PLCXD3: variants seen among roughly 807,000 people sequenced by gnomAD.
PLCXD3 encodes PI-PLC X domain-containing protein 3.
A neutral mutation model predicts 25.5 loss-of-function variants in PLCXD3; 19 were observed. The ratio of observed to expected loss-of-function variants is 0.75; its 90% CI spans 0.52 to 1.09. The LOEUF (loss-of-function observed/expected upper bound fraction) is 1.09, where lower values mean the gene tolerates loss of function less well. PLCXD3 is among the 50% of genes least tolerant of loss of function. The pLI is 0.00. For synonymous variants in PLCXD3, 174 were observed against 137.6 expected (o/e 1.26, Z -1.85); for missense variants, 411 against 388.1 (o/e 1.06, Z -0.50).
At chr5:41,358,088 G>A (rs1003242887) in intron 2 of PLCXD3, among the ~76,000 whole-genome samples, 9 of 152,106 alleles carry the variant, frequency 5.9e-5, no homozygotes, top group African/African-American at 1.7e-4. Flanking sequence ...TTGATCACTC[G>A]CTATGTACCA....
At chr5:41,330,634 CA>C (rs1022080857) in intron 2 of PLCXD3, among the ~76,000 whole-genome samples, 1 of 152,112 alleles carries the variant, frequency 6.6e-6, no homozygotes, top group African/African-American at 2.4e-5. Context: ...TGGGCCGAAA[CA>C]CAACCAAAAA....
intron 1 of PLCXD3, among the ~76,000 whole-genome samples, chr5:41,491,042 G>T (rs1211178329): frequency 6.6e-6 from 1 of 152,040 alleles, no homozygotes; most frequent in Non-Finnish European, 1.5e-5. Flanking sequence ...GTCAATTTTG[G>T]ATCTTTCCTG....
intron 1 of PLCXD3, among the ~76,000 whole-genome samples, chr5:41,490,164 A>G (rs1748625131): frequency 6.6e-6 from 1 of 152,188 alleles, no homozygotes; most frequent in South Asian, 2.1e-4. Context: ...AATTTTGTCA[A>G]AGGCCTTTTC....
At chr5:41,480,083 A>G (rs184055193) in intron 1 of PLCXD3, among the ~76,000 whole-genome samples, 1 of 152,340 alleles carries the variant, frequency 6.6e-6, no homozygotes, top group Admixed American at 6.5e-5. Flanking sequence ...ACTGTTTTAG[A>G]GGGATACGAG....
chr5:41,449,431 G>A (rs767843760), intron 1 of PLCXD3, among the ~76,000 whole-genome samples: 3 of 151,970 alleles, frequency 2.0e-5, no homozygotes, highest in East Asian at 1.9e-4. Flanking sequence ...TACCATTTTC[G>A]GTGACACCAT....
In PLCXD3 at chr5:41,310,235, T is replaced by C. The variant is rs1027377549; in HGVS notation, c.*3382A>G. The C allele has an allele frequency of 6.6e-6, 1 of 152,098 alleles. No homozygotes were observed. Among genetic ancestry groups the C allele is most frequent in the African/African-American group, 2.4e-5 (1 of 41,428 alleles). 9.4% of individuals were successfully genotyped at this position (152,098 alleles called of 1,614,324 possible). On this transcript the variant is annotated 3_prime_UTR_variant, in exon 3 of 3. Coordinates refer to ENST00000377801, the MANE Select transcript of PLCXD3 (RefSeq NM_001005473.3). Reference sequence around the variant, plus strand: ...GTGGTAAATAGGGAGACATAAATGATAATGGCAGAAGAAAAATTTGCTATA... The same window carrying C: ...GTGGTAAATAGGGAGACATAAATGACAATGGCAGAAGAAAAATTTGCTATA...
chr5:41,466,252 G>T (rs1748015451), intron 1 of PLCXD3, among the ~76,000 whole-genome samples: 2 of 151,914 alleles, frequency 1.3e-5, no homozygotes, highest in Admixed American at 1.3e-4. Context: ...TAAGAAAATT[G>T]AGCCCTGAAC....
chr5:41,319,340 A>T (rs1274723516), intron 2 of PLCXD3, among the ~76,000 whole-genome samples: 1 of 152,156 alleles, frequency 6.6e-6, no homozygotes, highest in South Asian at 2.1e-4. Flanking sequence ...GATCATTCTC[A>T]AGGATAGACC....
chr5:41,429,489 G>A (rs972376097), intron 1 of PLCXD3, among the ~76,000 whole-genome samples: 4 of 152,108 alleles, frequency 2.6e-5, no homozygotes, highest in Non-Finnish European at 1.5e-5. Flanking sequence ...TGCAAAGATT[G>A]ATTAAACAGG....
At chr5:41,491,588 T>C (rs1204908962) in intron 1 of PLCXD3, among the ~76,000 whole-genome samples, 1 of 152,176 alleles carries the variant, frequency 6.6e-6, no homozygotes, top group Non-Finnish European at 1.5e-5. Flanking sequence ...TGTAGGTCTG[T>C]AAGGACTTAC....
intron 1 of PLCXD3, among the ~76,000 whole-genome samples, chr5:41,428,914 T>A (rs1008003941): frequency 6.6e-6 from 1 of 152,128 alleles, no homozygotes; most frequent in Non-Finnish European, 1.5e-5. Context: ...GTTTTAACCA[T>A]AGACTATTTC....
At chr5:41,499,986 C>T (rs1748919367) in intron 1 of PLCXD3, among the ~76,000 whole-genome samples, 1 of 151,776 alleles carries the variant, frequency 6.6e-6, no homozygotes, top group African/African-American at 2.4e-5. Flanking sequence ...TAAATTAGTA[C>T]AGCCTCTATG....
chr5:41,388,142 A>G (rs376150082), intron 1 of PLCXD3, among the ~76,000 whole-genome samples: 41 of 152,084 alleles, frequency 2.7e-4, no homozygotes, highest in African/African-American at 8.4e-4. Flanking sequence ...AAAAATACAT[A>G]CAATCCTTGC....
At chr5:41,396,798 T>G (rs1363752582) in intron 1 of PLCXD3, among the ~76,000 whole-genome samples, 1 of 152,242 alleles carries the variant, frequency 6.6e-6, no homozygotes, top group African/African-American at 2.4e-5. Context: ...TCGCACTTGC[T>G]ATGCTTCAGC....
At chr5:41,455,607 A>T (rs1343079970) in intron 1 of PLCXD3, among the ~76,000 whole-genome samples, 5 of 152,074 alleles carry the variant, frequency 3.3e-5, no homozygotes, top group Middle Eastern at 3.4e-3. Flanking sequence ...GGGAAGTATA[A>T]AGTTAGGTGT....
At chr5:41,487,297 T>C (rs1300505319) in intron 1 of PLCXD3, among the ~76,000 whole-genome samples, 1 of 152,178 alleles carries the variant, frequency 6.6e-6, no homozygotes, top group East Asian at 1.9e-4. Flanking sequence ...ATTAACTTGT[T>C]TCAGTGTGGG....
At chr5:41,434,673 G>C (rs562476302) in intron 1 of PLCXD3, among the ~76,000 whole-genome samples, 1 of 152,322 alleles carries the variant, frequency 6.6e-6, no homozygotes. Context: ...GCTTGGAATG[G>C]GTTCTTGAAA....
chr5:41,383,456 T>A (rs1745541816), intron 1 of PLCXD3, among the ~76,000 whole-genome samples: 1 of 152,132 alleles, frequency 6.6e-6, no homozygotes, highest in Middle Eastern at 3.2e-3. Context: ...CATTTGAAAC[T>A]CTTTATTAGG....
In PLCXD3 at chr5:41,510,502, C is replaced by T; in HGVS notation, c.25G>A (p.Glu9Lys). 1 of 1,613,248 alleles carries T rather than the reference C, an allele frequency of 6.2e-7. No individual in the cohort carries two copies. Among genetic ancestry groups the T allele is most frequent in the South Asian group, 1.1e-5 (1 of 90,982 alleles). Residue 9 changes from glutamate to lysine, a missense_variant, in exon 1 of 3, where the codon GAG becomes AAG. Transcript: ENST00000377801. ...GCCATCCAGTCGGCTAATTTCAGCT[C>T]GTTTTTCCCCTGAGACGAGGCCATC... MASSQGKN[E>K]LKLADWMATL...
Sources: gnomAD v4.1 joint callset for allele counts (sites outside exome capture counted in the v4.1 genomes callset) on GRCh38, gnomAD v4.1.1 for gene constraint, MANE v1.5 for transcripts, NCBI Gene and HGNC (gene_info 2026-07-23, HGNC 2026-07-21) for gene names.